The following UGT1A7 variants were observed in gnomAD, a reference collection of about 807,000 sequenced individuals.
UGT1A7 encodes the protein UDP-glucuronosyltransferase 1A7.
Under a neutral mutation model 45.6 loss-of-function variants are expected in UGT1A7, and 33 were observed. The ratio of observed to expected loss-of-function variants is 0.72; its 90% CI spans 0.55 to 0.97. The LOEUF is 0.97. UGT1A7 is among the 50% of genes least tolerant of loss of function. The pLI, the probability that UGT1A7 is intolerant of heterozygous loss-of-function variation, is 0.00. For missense variants in UGT1A7, 684 were observed against 666.2 expected, an observed-to-expected ratio of 1.03 and a Z score of -0.29; for synonymous variants, 274 against 250.6, an observed-to-expected ratio of 1.09 and a Z score of -0.88.
chr2:233,769,811 T>C lies in UGT1A7; in HGVS notation c.1295+1372T>C. 9.8e-7 allele frequency: 1 copy of C among 1,015,422 alleles called. No individual in the cohort carries two copies. The highest frequency in any genetic ancestry group is 2.2e-5 in the South Asian group (1 of 46,182). The allele number at this position is 1,015,422 out of a possible 1,614,324, so 62.9% of individuals were successfully genotyped here. A position where few individuals can be genotyped will look rare whatever the true frequency, so the allele number is the denominator to read the frequency against. On this transcript the variant is annotated intron_variant, in intron 4 of 4. Transcript: ENST00000373426. This position sits in a 1 kb window ranked among gnomAD's most constrained non-coding sequence, Gnocchi z 4.4. ...TGGAGGCTGCTATGAGCCGTGATCA[T>C]GCCACTGCACTCCAGCAACCTGGGC...
At position 233,681,973 on chromosome 2, in the gene UGT1A7, A is replaced by G. The variant is rs768736320; in HGVS notation, c.36A>G (p.Leu12=). 4.3e-6 allele frequency: 7 copies of G among 1,613,946 alleles called. No homozygotes were observed. The highest frequency in any genetic ancestry group is 1.1e-5 in the South Asian group (1 of 91,078). Residue 12 remains leucine, a synonymous_variant, in exon 1 of 5, where the codon CTA becomes CTG. Coordinates refer to ENST00000373426, the MANE Select transcript of UGT1A7 (RefSeq NM_019077.3). Reference sequence around the variant, plus strand: ...CAGGGTGGACTGGCCTCCTTCCCCTATATGTGTGTCTACTGCTGACCTGTG... The same window carrying G: ...CAGGGTGGACTGGCCTCCTTCCCCTGTATGTGTGTCTACTGCTGACCTGTG... The part of the protein sequence containing the change: ...ARAGWTGLLP[L]YVCLLLTCGF...
chr2:233,755,373 C>T (rs534555830), intron 1 of UGT1A7: 63 of 357,550 alleles, frequency 1.8e-4, no homozygotes, highest in Non-Finnish European at 2.9e-4. Flanking sequence ...GCCTGGAGGG[C>T]CGCCCCTTAT....
intron 1 of UGT1A7, among the ~76,000 whole-genome samples, chr2:233,709,220 T>C (rs199860266): frequency 1.3e-5 from 2 of 152,108 alleles, no homozygotes; most frequent in African/African-American, 4.8e-5. Context: ...ATTTGAGAGT[T>C]TGGGGGAGGG....
intron 1 of UGT1A7, among the ~76,000 whole-genome samples, chr2:233,688,342 C>G (rs10168333): frequency 6.6e-6 from 1 of 151,982 alleles, no homozygotes; most frequent in Non-Finnish European, 1.5e-5. Flanking sequence ...TTCCCATTTT[C>G]AGCCATGAAA....
At chr2:233,751,247 A>G (rs1694675595) in intron 1 of UGT1A7, among the ~76,000 whole-genome samples, 1 of 151,954 alleles carries the variant, frequency 6.6e-6, no homozygotes, top group South Asian at 2.1e-4. Flanking sequence ...TTGGACTTGC[A>G]TGGGGCCTGT....
At position 233,693,375 on chromosome 2, in the gene UGT1A7, T is replaced by A. The variant is rs372477458; in HGVS notation, c.855+10583T>A. Reference sequence around the variant, plus strand: ...ATGATTGTTATTGGCCTGTACTTCATCAACTGCCAGAGCCTCCTGCAGGAC... The same window carrying A: ...ATGATTGTTATTGGCCTGTACTTCAACAACTGCCAGAGCCTCCTGCAGGAC... On this transcript the variant is annotated intron_variant, in intron 1 of 4. Coordinates refer to ENST00000373426, the MANE Select transcript of UGT1A7 (RefSeq NM_019077.3). 1.2e-4 allele frequency: 199 copies of A among 1,614,066 alleles called. No individual in the cohort carries two copies. Among genetic ancestry groups the A allele is most frequent in the Non-Finnish European group, 1.6e-4 (194 of 1,180,050 alleles).
At position 233,693,663 on chromosome 2, in the gene UGT1A7, A is replaced by G. The variant is rs201621149; in HGVS notation, c.855+10871A>G. On this transcript the variant is annotated intron_variant, in intron 1 of 4. Transcript: ENST00000373426. The stretch of plus-strand genomic sequence containing the variant: ...TTCCTTGTTAATTTGTTGGAGCCCT[A>G]TCTATTTTATTGTCTGTTTTCAAAG... 7 of 1,614,142 alleles carry G rather than the reference A, an allele frequency of 4.3e-6. No homozygotes were observed. In the African/African-American group the frequency reaches 6.7e-5, roughly 15 times the overall value.
At chr2:233,717,818 C>T (rs565320763) in intron 1 of UGT1A7, 84 of 455,640 alleles carry the variant, frequency 1.8e-4, no homozygotes, top group Non-Finnish European at 3.1e-4. Flanking sequence ...TTATGCAGCC[C>T]GTTCTGTTCT....
intron 1 of UGT1A7, chr2:233,691,625 G>C (rs2075050475): frequency 1.0e-6 from 1 of 985,518 alleles, no homozygotes. Flanking sequence ...CCTCAGCAGT[G>C]TGGTTAGCAG....
chr2:233,760,233 CATAT>C (rs3064744), intron 1 of UGT1A7: 2 of 1,510,040 alleles, frequency 1.3e-6, no homozygotes, highest in African/African-American at 1.4e-5. Context: ...TGGTTTTTGC[CATAT>C]ATATATATAT....
rs751408172 is a variant in UGT1A7, at chr2:233,768,227, G to C, written c.1083G>C (p.Pro361=). Residue 361 remains proline, a synonymous_variant, in exon 4 of 5, where the codon CCG becomes CCC. Coordinates refer to ENST00000373426, the MANE Select transcript of UGT1A7 (RefSeq NM_019077.3). ...CCCTATTTTGCATCTCAGGTCACCCGATGACCCGTGCCTTTATCACCCATG... is the reference window on the plus strand; with the variant it reads ...CCCTATTTTGCATCTCAGGTCACCCCATGACCCGTGCCTTTATCACCCATG... ...WLPQNDLLGH[P]MTRAFITHAG... The C allele has an allele frequency of 5.0e-6, 8 of 1,614,014 alleles. No homozygotes were observed. The African/African-American group carries it at 8.0e-5, about 16-fold the overall frequency.
chr2:233,739,587 GCCTATAGCC>G (rs1691150074), intron 1 of UGT1A7, among the ~76,000 whole-genome samples: 1 of 152,224 alleles, frequency 6.6e-6, no homozygotes, highest in Non-Finnish European at 1.5e-5. Flanking sequence ...CTTGCATGGG[GCCTATAGCC>G]CCTTTGTTTT....
chr2:233,709,352 A>G (rs1366847300), intron 1 of UGT1A7, among the ~76,000 whole-genome samples: 2 of 152,340 alleles, frequency 1.3e-5, no homozygotes, highest in East Asian at 1.9e-4. Flanking sequence ...ACCTATTACT[A>G]TATAGATTTT....
chr2:233,695,125 C>CTTTT (rs2075261656), intron 1 of UGT1A7, among the ~76,000 whole-genome samples: 4 of 113,980 alleles, frequency 3.5e-5, no homozygotes, highest in Non-Finnish European at 5.3e-5. Context: ...CAACCCTTTT[C>CTTTT]TTTTCTTTTT....
At chr2:233,735,560 T>C (rs1442054621) in intron 1 of UGT1A7, among the ~76,000 whole-genome samples, 1 of 152,236 alleles carries the variant, frequency 6.6e-6, no homozygotes, top group African/African-American at 2.4e-5. Flanking sequence ...ATTATGGTGT[T>C]ATCGGGTTAT....
intron 4 of UGT1A7, 105 bp downstream of exon 4, chr2:233,768,544 TAA>T: frequency 7.0e-7 from 1 of 1,425,890 alleles, no homozygotes; most frequent in Non-Finnish European, 9.3e-7. Flanking sequence ...GTTTCAAATA[TAA>T]AAACAAATAC....
At chr2:233,693,089 C>CACTTTGGGGCA in intron 1 of UGT1A7, 2 of 1,614,140 alleles carry the variant, frequency 1.2e-6, no homozygotes, top group Non-Finnish European at 1.7e-6. Context: ...AGGTGACAAG[C>CACTTTGGGGCA]TGCTGGTGGT....
chr2:233,729,273 G>A (rs759495463), intron 1 of UGT1A7: 2 of 1,614,242 alleles, frequency 1.2e-6, no homozygotes, highest in Non-Finnish European at 1.7e-6. Context: ...AGGTCTTGCG[G>A]GAGCTCCATG....
intron 1 of UGT1A7, chr2:233,719,562 C>A (rs1164668665): frequency 9.9e-6 from 16 of 1,613,782 alleles, no homozygotes; most frequent in African/African-American, 1.3e-5. Flanking sequence ...AGTGGTGGAT[C>A]TTGTCAGCTA....
Sources: allele counts gnomAD v4.1 joint callset (sites outside exome capture counted in the v4.1 genomes callset), GRCh38; gene constraint gnomAD v4.1.1; non-coding constraint Gnocchi (gnomAD v3.1); transcripts MANE v1.5; gene names NCBI Gene and HGNC (gene_info 2026-07-23, HGNC 2026-07-21).